The following FBXO34 variants were observed in gnomAD, a reference collection of about 807,000 sequenced individuals.
FBXO34 encodes the protein F-box only protein 34.
A neutral mutation model predicts 24.5 loss-of-function variants in FBXO34; 12 were observed. The observed-to-expected ratio is 0.49, with a 90% confidence interval of 0.31 to 0.79. The LOEUF is 0.79. Among genes scored for constraint, FBXO34 ranks in the 30% least tolerant of loss-of-function variants. FBXO34 has a pLI of 0.04. For synonymous variants in FBXO34, 320 were observed against 311.9 expected, an observed-to-expected ratio of 1.03 and a Z score of -0.27; for missense variants, 823 against 857.7, an observed-to-expected ratio of 0.96 and a Z score of 0.51.
intron 1 of FBXO34, among the ~76,000 whole-genome samples, chr14:55,332,376 T>C (rs1295888897): frequency 6.6e-6 from 1 of 152,186 alleles, no homozygotes; most frequent in African/African-American, 2.4e-5. Context: ...AAAGTGTCGT[T>C]ATGTAAAAAT....
chr14:55,373,987 T>C (rs1191259973), downstream of FBXO34, among the ~76,000 whole-genome samples: 2 of 152,114 alleles, frequency 1.3e-5, no homozygotes, highest in Admixed American at 1.3e-4. Flanking sequence ...TAAACTTAGA[T>C]GTGACTCACA....
chr14:55,293,103 G>A (rs972838287), intron 1 of FBXO34, among the ~76,000 whole-genome samples: 6 of 151,790 alleles, frequency 4.0e-5, no homozygotes, highest in African/African-American at 9.7e-5. Context: ...GGCTGGTCTC[G>A]AACTCCTGAC....
the FBXO34 span, among the ~76,000 whole-genome samples, chr14:55,419,984 C>A: frequency 1.3e-5 from 2 of 152,212 alleles, no homozygotes; most frequent in African/African-American, 4.8e-5. Flanking sequence ...CTTCCCCAAG[C>A]TTCAGTTTAG....
chr14:55,363,324 C>T (rs141050193), downstream of FBXO34, among the ~76,000 whole-genome samples: 1,850 of 150,906 alleles, frequency 0.012, 44 homozygotes, highest in African/African-American at 0.042. Flanking sequence ...CATGAGCCAC[C>T]GAACTTGGCC....
chr14:55,376,818 G>A, the FBXO34 span, among the ~76,000 whole-genome samples: 2 of 152,142 alleles, frequency 1.3e-5, no homozygotes, highest in South Asian at 2.1e-4. Flanking sequence ...AGACTGCTAA[G>A]AGCAAGGAAA....
the FBXO34 span, among the ~76,000 whole-genome samples, chr14:55,394,622 C>T: frequency 2.0e-5 from 3 of 152,146 alleles, no homozygotes; most frequent in Admixed American, 1.3e-4. Flanking sequence ...ATTAGGAAAA[C>T]AGGACTACCA....
Position 55,351,404 on chromosome 14 carries a change from T to C in FBXO34, c.1014T>C (p.Thr338=). Residue 338 remains threonine (T), a synonymous_variant, in exon 2 of 2, where the codon ACT becomes ACC. Transcript: ENST00000313833. ...AAGGCGTCTTGGAGGCACCTGACAC[T>C]CAGGTGAATCCTGTGGGGTCTGTAT... is the stretch of plus-strand genomic sequence containing the variant. ...TKKGVLEAPD[T]QVNPVGSVSV... 5 of 1,614,180 alleles carry C rather than the reference T, an allele frequency of 3.1e-6. No homozygotes were observed. Among genetic ancestry groups the C allele is most frequent in the Non-Finnish European group, 3.4e-6 (4 of 1,180,024 alleles).
downstream of FBXO34, among the ~76,000 whole-genome samples, chr14:55,366,221 T>C (rs372266262): frequency 3.3e-4 from 50 of 152,294 alleles, 1 homozygote; most frequent in African/African-American, 1.2e-3. Context: ...AATACCACCA[T>C]AATCCATAAT....
chr14:55,311,767 G>A (rs138991921), intron 1 of FBXO34, among the ~76,000 whole-genome samples: 12 of 151,960 alleles, frequency 7.9e-5, no homozygotes, highest in Middle Eastern at 3.4e-3. Context: ...TGGTCTTGTT[G>A]CCCAGGCTGG....
At chr14:55,418,538 G>A in the FBXO34 span, among the ~76,000 whole-genome samples, 1 of 152,072 alleles carries the variant, frequency 6.6e-6, no homozygotes, top group Non-Finnish European at 1.5e-5. Context: ...TATTAGTTGG[G>A]GGTTACTGTT....
At position 55,351,826 on chromosome 14, in the gene FBXO34, C is replaced by G; in HGVS notation, c.1436C>G (p.Pro479Arg). ...TTAAACTCCTGTGAAGACCCAGTTC[C>G]AGGGATGTTGTTTTTTTTGCCACCT... ...SILNSCEDPV[P>R]GMLFFLPPGQ... Residue 479 changes from proline to arginine, a missense_variant, in exon 2 of 2, where the codon CCA (proline) becomes CGA (arginine). By Grantham distance (103) the Pro-to-Arg change is moderately radical (BLOSUM62 -2). Around this residue, in one of 2 missense-constraint regions of FBXO34, gnomAD observed 693 missense variants for 659.1 expected, o/e 1.05. Coordinates refer to ENST00000313833, the MANE Select transcript of FBXO34 (RefSeq NM_017943.4). 1 of 1,614,140 alleles carries G rather than the reference C, an allele frequency of 6.2e-7. No homozygotes were observed. Among genetic ancestry groups the G allele is most frequent in the Non-Finnish European group, 8.5e-7 (1 of 1,180,020 alleles).
chr14:55,296,391 G>GT (rs1167344634), intron 1 of FBXO34, among the ~76,000 whole-genome samples: 1,972 of 64,676 alleles, frequency 0.03, 77 homozygotes, highest in East Asian at 0.057. Context: ...TGTTTTTTTT[G>GT]TTTTTTTTTT....
At chr14:55,336,459 G>T (rs1001611366) in intron 1 of FBXO34, among the ~76,000 whole-genome samples, 1 of 152,098 alleles carries the variant, frequency 6.6e-6, no homozygotes, top group Non-Finnish European at 1.5e-5. Flanking sequence ...ACTCCAAATC[G>T]GACAGTTTGT....
At chr14:55,368,583 A>C (rs1884737965), downstream of FBXO34, 2 of 152,184 alleles carry the variant, frequency 1.3e-5, no homozygotes, top group African/African-American at 4.8e-5. Context: ...AGCCGTAAGG[A>C]TCTGCGCTGC....
At chr14:55,375,118 ACTC>A in the FBXO34 span, among the ~76,000 whole-genome samples, 9 of 152,046 alleles carry the variant, frequency 5.9e-5, no homozygotes, top group South Asian at 2.1e-4. Flanking sequence ...TTTCAGCTCC[ACTC>A]CTCATACGGT....
intron 1 of FBXO34, among the ~76,000 whole-genome samples, chr14:55,278,417 C>G (rs1881416492): frequency 6.6e-6 from 1 of 151,858 alleles, no homozygotes; most frequent in South Asian, 2.1e-4. Flanking sequence ...AACAGAAAAC[C>G]AACTCAAATT....
At chr14:55,283,976 CTGTGTGTG>C (rs944505119) in intron 1 of FBXO34, among the ~76,000 whole-genome samples, 2 of 108,768 alleles carry the variant, frequency 1.8e-5, no homozygotes, top group East Asian at 4.8e-4. Context: ...GTGTGTGTGT[CTGTGTGTG>C]TGTGTATGTG....
At chr14:55,280,097 C>T (rs114458760) in intron 1 of FBXO34, among the ~76,000 whole-genome samples, 3 of 152,098 alleles carry the variant, frequency 2.0e-5, no homozygotes, top group South Asian at 2.1e-4. Flanking sequence ...TTCTTCTCAT[C>T]CTACTAGTAT....
intron 1 of FBXO34, among the ~76,000 whole-genome samples, chr14:55,299,727 C>G (rs939783506): frequency 1.3e-5 from 2 of 152,130 alleles, no homozygotes; most frequent in African/African-American, 4.8e-5. Context: ...TTGTGGTTAT[C>G]ACTTTTAAAT....
Sources: allele counts gnomAD v4.1 joint callset (sites outside exome capture counted in the v4.1 genomes callset), GRCh38; gene constraint gnomAD v4.1.1; regional missense constraint gnomAD v4.1.1; transcripts MANE v1.5; gene names NCBI Gene and HGNC (gene_info 2026-07-23, HGNC 2026-07-21).